The following CELF5 variants were observed in gnomAD, a reference collection of about 807,000 sequenced individuals.
CELF5 encodes CUG-BP and ETR-3 like factor 5.
CELF5 carries 6 observed loss-of-function variants against 54.9 expected under a neutral mutation model. The observed-to-expected ratio is 0.11, with a 90% CI of 0.06 to 0.22. The LOEUF (loss-of-function observed/expected upper bound fraction) is 0.22, where lower values mean the gene tolerates loss of function less well. Ranked by LOEUF, CELF5 falls within the 10% of genes least tolerant of loss-of-function variation. The pLI is 1.00. For missense variants in CELF5, 401 were observed against 678.6 expected (o/e 0.59, Z 4.54); for synonymous variants, 271 against 290.9 (o/e 0.93, Z 0.70).
At chr19:3,253,112 A>AT (rs978663479) in intron 2 of CELF5, among the ~76,000 whole-genome samples, 5 of 150,440 alleles carry the variant, frequency 3.3e-5, no homozygotes, top group Non-Finnish European at 7.4e-5. Context: ...AAAAAAAAAA[A>AT]GAAAGAAAGA....
At chr19:3,284,769 T>C in intron 8 of CELF5, 133 bp from the exon 9 acceptor site, 1 of 753,836 alleles carries the variant, frequency 1.3e-6, no homozygotes, top group Non-Finnish European at 2.3e-6. Context: ...AGCTTCCTGG[T>C]CCTACAGAGG....
At chr19:3,253,491 A>G (rs1255292219) in intron 2 of CELF5, among the ~76,000 whole-genome samples, 2 of 152,168 alleles carry the variant, frequency 1.3e-5, no homozygotes, top group African/African-American at 2.4e-5. Flanking sequence ...CTTCCTTACA[A>G]CATGGCATCT....
intron 1 of CELF5, among the ~76,000 whole-genome samples, chr19:3,236,912 C>T (rs1230221876): frequency 6.6e-6 from 1 of 151,402 alleles, no homozygotes; most frequent in Non-Finnish European, 1.5e-5. Flanking sequence ...TCGCTTGAAC[C>T]CGGGAGGCGG....
Position 3,282,277 on chromosome 19 carries a change from C to G in CELF5, c.892+10C>G, listed in dbSNP as rs893918124. ...ATCGCTCCTGCCTCTGGTGAGCCTC[C>G]TCCAGGCACCCAAGGATGGGTGGGC... On this transcript the variant is annotated intron_variant, in intron 7 of 12. Transcript: ENST00000292672. This position sits in a 1 kb window ranked among gnomAD's most constrained non-coding sequence, Gnocchi z 5.2. 3 of 1,611,022 alleles carry G rather than the reference C, an allele frequency of 1.9e-6. No homozygotes were observed. The highest frequency in any genetic ancestry group is 2.7e-5 in the African/African-American group (2 of 74,938).
At chr19:3,254,448 T>C (rs1441124995) in intron 2 of CELF5, among the ~76,000 whole-genome samples, 1 of 149,414 alleles carries the variant, frequency 6.7e-6, no homozygotes, top group Non-Finnish European at 1.5e-5. Flanking sequence ...CATCTACGCA[T>C]CCATCCATCC....
rs953323317 is a variant in CELF5 at position 3,275,112 on chromosome 19, T to C, written c.395-744T>C. 2.6e-5 allele frequency among the ~76,000 whole-genome samples: 4 copies of C among 152,022 alleles called. No individual in the cohort carries two copies. The highest frequency in any genetic ancestry group is 2.1e-4 in the South Asian group (1 of 4,814). ...TGACAGCTGCCGAGAGCGGTTTCCATAGTAACCCAGCTCACCGTCCCTAGG... is the reference window on the plus strand; with the variant it reads ...TGACAGCTGCCGAGAGCGGTTTCCACAGTAACCCAGCTCACCGTCCCTAGG... On this transcript the variant is annotated intron_variant, in intron 3 of 12. Transcript: ENST00000292672. This position sits in a 1 kb window ranked among gnomAD's most constrained non-coding sequence, Gnocchi z 6.7.
At chr19:3,235,713 GATGT>G (rs1917552063) in intron 1 of CELF5, among the ~76,000 whole-genome samples, 8 of 147,218 alleles carry the variant, frequency 5.4e-5, no homozygotes, top group East Asian at 4.1e-4. Context: ...TGGATGGATG[GATGT>G]GTGGATGGGT....
intron 1 of CELF5, among the ~76,000 whole-genome samples, chr19:3,246,644 T>C (rs2079571455): frequency 6.7e-6 from 1 of 149,494 alleles, no homozygotes; most frequent in East Asian, 2.0e-4. Flanking sequence ...GCCTGAGAGG[T>C]GGAAGCTGCA....
chr19:3,224,676 C>T lies in CELF5; in HGVS notation c.-64C>T. Reference sequence around the variant, plus strand: ...GGAGGGAGGCGGGAGGCGCGGCCGCCGCTCCAGCTGCGAGTCCGCCCGCCG... The same window carrying T: ...GGAGGGAGGCGGGAGGCGCGGCCGCTGCTCCAGCTGCGAGTCCGCCCGCCG... On this transcript the variant is annotated 5_prime_UTR_variant, in exon 1 of 13. Transcript: ENST00000292672. The T allele has an allele frequency of 3.0e-6, 3 of 986,308 alleles. No homozygotes were observed. Among genetic ancestry groups the T allele is most frequent in the Non-Finnish European group, 3.6e-6 (3 of 831,542 alleles). The allele number at this position is 986,308 out of a possible 1,614,324, so 61.1% of individuals were successfully genotyped here. A position where few individuals can be genotyped will look rare whatever the true frequency, so the allele number is the denominator to read the frequency against.
Position 3,282,004 on chromosome 19 carries a change from T to G in CELF5, c.751-122T>G. The G allele has an allele frequency of 9.0e-7, 1 of 1,113,850 alleles. No homozygotes were observed. Among genetic ancestry groups the G allele is most frequent in the South Asian group, 1.4e-5 (1 of 72,500 alleles). The allele number at this position is 1,113,850 out of a possible 1,614,324, so 69.0% of individuals were successfully genotyped here. On this transcript the variant is annotated intron_variant, in intron 6 of 12. Transcript: ENST00000292672. The surrounding 1 kb of genome is among the most constrained non-coding windows in gnomAD (Gnocchi z 5.2). ...CCCAGTCTGAGCTCCAATTCTGATC[T>G]CAGCCTGAGCCAAGATACCCAGCCT...
At chr19:3,255,425 C>A (rs1159599112) in intron 2 of CELF5, among the ~76,000 whole-genome samples, 1 of 152,172 alleles carries the variant, frequency 6.6e-6, no homozygotes, top group East Asian at 1.9e-4. Flanking sequence ...CTCAAGTGAT[C>A]CACCTGCCTC....
intron 1 of CELF5, among the ~76,000 whole-genome samples, chr19:3,248,243 G>A (rs10425987): frequency 0.3 from 45,019 of 151,898 alleles, 6,920 homozygotes; most frequent in East Asian, 0.54. Context: ...GCAGCCTCCA[G>A]CTCCTGGGCT....
chr19:3,229,377 C>T (rs926357307), intron 1 of CELF5, among the ~76,000 whole-genome samples: 31 of 152,128 alleles, frequency 2.0e-4, no homozygotes, highest in South Asian at 8.3e-4. Context: ...GTTTAGGGGA[C>T]GGAGACAGCT....
At chr19:3,242,214 G>A (rs2079500730) in intron 1 of CELF5, among the ~76,000 whole-genome samples, 1 of 152,294 alleles carries the variant, frequency 6.6e-6, no homozygotes, top group Admixed American at 6.5e-5. Context: ...TGCATGGTCT[G>A]CAGAGCTAGA....
At chr19:3,262,185 C>T (rs537478750) in intron 2 of CELF5, among the ~76,000 whole-genome samples, 3 of 152,016 alleles carry the variant, frequency 2.0e-5, no homozygotes, top group East Asian at 3.9e-4. Context: ...CAGGCACGCA[C>T]GCCCAGCTAA....
Position 3,273,877 on chromosome 19 carries a change from G to A in CELF5, c.348G>A (p.Ala116=), listed in dbSNP as rs200538235. ...LHEQKTLPGM[A]RPIQVKPADS... is the part of the protein sequence containing the mutation. ...CCTTCCCCCTCTCTCTGCAGATGGC[G>A]CGGCCAATCCAGGTGAAGCCTGCGG... is the stretch of plus-strand genomic sequence containing the variant. The change falls in exon 3 of 13, where the codon GCG becomes GCA. Residue 116 remains alanine (A), a synonymous_variant. Transcript: ENST00000292672. 106 of 1,613,502 alleles carry A rather than the reference G, an allele frequency of 6.6e-5. No individual in the cohort carries two copies. The East Asian group carries it at 1.9e-3, about 28-fold the overall frequency.
At chr19:3,231,506 A>G (rs1917257066) in intron 1 of CELF5, among the ~76,000 whole-genome samples, 1 of 145,790 alleles carries the variant, frequency 6.9e-6, no homozygotes, top group African/African-American at 2.6e-5. Flanking sequence ...GGATGAATGG[A>G]TTTATGGATG....
At chr19:3,245,392 G>A (rs888947284) in intron 1 of CELF5, among the ~76,000 whole-genome samples, 1 of 149,524 alleles carries the variant, frequency 6.7e-6, no homozygotes, top group African/African-American at 2.5e-5. Flanking sequence ...ATGCATCTGT[G>A]TGTGTGTGCG....
chr19:3,238,584 C>T (rs1441147605), intron 1 of CELF5, among the ~76,000 whole-genome samples: 1 of 152,196 alleles, frequency 6.6e-6, no homozygotes, highest in Non-Finnish European at 1.5e-5. Context: ...GGATGCATCA[C>T]TGTGGTCTCT....
Sources: allele counts gnomAD v4.1 joint callset (sites outside exome capture counted in the v4.1 genomes callset), GRCh38; gene constraint gnomAD v4.1.1; non-coding constraint Gnocchi (gnomAD v3.1); transcripts MANE v1.5; gene names NCBI Gene and HGNC (gene_info 2026-07-23, HGNC 2026-07-21).